The following TOP3B variants were observed in gnomAD, a reference collection of about 807,000 sequenced individuals.
TOP3B encodes DNA topoisomerase III beta, also known as DNA topoisomerase 3-beta-1.
A neutral mutation model predicts 93.9 loss-of-function variants in TOP3B; 45 were observed. The observed-to-expected ratio is 0.48, with a 90% CI of 0.38 to 0.61. The LOEUF (loss-of-function observed/expected upper bound fraction) is 0.61, where lower values mean the gene tolerates loss of function less well. TOP3B is among the 20% of genes least tolerant of loss of function. The probability of loss-of-function intolerance (pLI) is 0.00; values close to 1 mark genes in which losing one functional copy is unlikely to be tolerated. For synonymous variants in TOP3B, 357 were observed against 472.6 expected (o/e 0.76, Z 3.17); for missense variants, 750 against 1,156.1 (o/e 0.65, Z 5.09).
intron 4 of TOP3B, 78 bp downstream of exon 4, chr22:21,972,534 G>GC: frequency 8.7e-7 from 1 of 1,154,296 alleles, no homozygotes; most frequent in Non-Finnish European, 1.2e-6. Context: ...TAGGACTCAA[G>GC]CAAGGGTGGG....
rs1434504266 is a variant in TOP3B, at chr22:21,958,798, C to G, written c.1906-105G>C. ...AAAGTATGTAATCTGTCATGCAGAA[C>G]CTGTGACACACTGCCAGGCAAGGAG... is the stretch of plus-strand genomic sequence containing the variant. On this transcript the variant is annotated intron_variant, in intron 16 of 17. Transcript: ENST00000357179. The G allele has an allele frequency of 6.8e-5, 97 of 1,434,500 alleles. 3 individuals are homozygous for G. The highest frequency in any genetic ancestry group is 7.4e-5 in the Non-Finnish European group (81 of 1,091,870). The allele number at this position is 1,434,500 out of a possible 1,614,324, so 88.9% of individuals were successfully genotyped here. A position where few individuals can be genotyped will look rare whatever the true frequency, so the allele number is the denominator to read the frequency against.
chr22:21,976,284 TG>T (rs2071869398), intron 1 of TOP3B: 1 of 152,444 alleles, frequency 6.6e-6, no homozygotes, highest in Non-Finnish European at 1.5e-5. Flanking sequence ...ATGCCCAGGC[TG>T]GGCCCCCCAG....
At position 21,967,568 on chromosome 22, in the gene TOP3B, G is replaced by A. The variant is rs756268980; in HGVS notation, c.852+35C>T. 1.0e-5 allele frequency: 16 copies of A among 1,577,940 alleles called. 1 individual carries two copies. The East Asian group carries it at 3.4e-4, about 33-fold the overall frequency. On this transcript the variant is annotated intron_variant, in intron 8 of 17. Transcript: ENST00000357179. ...GCATCCAAGGGCCACCCTCACCCAA[G>A]GCAACTGTGATAGATGTGGGTGGAG...
chr22:21,977,119 G>C (rs1258198197), intron 1 of TOP3B: 2 of 152,118 alleles, frequency 1.3e-5, no homozygotes, highest in South Asian at 2.1e-4. Flanking sequence ...ATTCAAGGCT[G>C]TTGTGTGCCA....
chr22:21,981,778 AG>A (rs1469395972), intron 1 of TOP3B, among the ~76,000 whole-genome samples: 1 of 152,088 alleles, frequency 6.6e-6, no homozygotes, highest in African/African-American at 2.4e-5. Context: ...CCTGGGTGAC[AG>A]AGTGAGACTC....
chr22:21,981,728 G>A (rs998027482), intron 1 of TOP3B, among the ~76,000 whole-genome samples: 4 of 152,102 alleles, frequency 2.6e-5, no homozygotes, highest in Middle Eastern at 6.8e-3. Flanking sequence ...ACCCGGGGGC[G>A]GAGGTTGCAG....
chr22:21,980,786 C>T (rs978174749), intron 1 of TOP3B, among the ~76,000 whole-genome samples: 1 of 152,226 alleles, frequency 6.6e-6, no homozygotes, highest in Non-Finnish European at 1.5e-5. Flanking sequence ...TTGCTCTGAC[C>T]CCTGCCCCTC....
At chr22:21,958,791 T>C (rs2071039986) in intron 16 of TOP3B, 98 bp from the exon 17 acceptor site, 2 of 1,445,544 alleles carry the variant, frequency 1.4e-6, no homozygotes, top group African/African-American at 1.4e-5. Context: ...TAATCTGTCA[T>C]GCAGAACCTG....
chr22:21,972,165 A>C (rs970643285), intron 4 of TOP3B: 2 of 551,784 alleles, frequency 3.6e-6, no homozygotes, highest in Admixed American at 6.9e-5. Context: ...GGACCAAAAA[A>C]AAAAGTATAA....
intron 1 of TOP3B, among the ~76,000 whole-genome samples, chr22:21,978,597 C>T (rs996045617): frequency 6.6e-6 from 1 of 151,996 alleles, no homozygotes; most frequent in Non-Finnish European, 1.5e-5. Context: ...GAGGAGCTAG[C>T]AGGGTGAGTC....
chr22:21,959,286 C>T, intron 15 of TOP3B, 54 bp from the exon 16 acceptor site: 1 of 1,602,246 alleles, frequency 6.2e-7, no homozygotes, highest in Non-Finnish European at 8.5e-7. Context: ...CAGCAAAAGG[C>T]TCCGCAACAC....
At position 21,969,182 on chromosome 22, in the gene TOP3B, G is replaced by A. The variant is rs577533839; in HGVS notation, c.582-407C>T. 3 of 162,394 alleles carry A rather than the reference G, an allele frequency of 1.8e-5. No individual in the cohort carries two copies. In the Middle Eastern group the frequency reaches 9.3e-3, roughly 501 times the overall value. 10.1% of individuals were successfully genotyped at this position (162,394 alleles called of 1,614,324 possible). A position where few individuals can be genotyped will look rare whatever the true frequency, so the allele number is the denominator to read the frequency against. ...CAGGGTCTTGCTGTATTGCCCAGCA[G>A]GAGTGCATTAATGGGGATTCACAGA... On this transcript the variant is annotated intron_variant, in intron 6 of 17. Coordinates refer to ENST00000357179, the MANE Select transcript of TOP3B (RefSeq NM_001282112.2).
rs749822944 is a variant in TOP3B, at chr22:21,958,547, G to C, written c.2052C>G (p.Ser684Arg). The C allele has an allele frequency of 1.2e-6, 2 of 1,614,122 alleles. No individual in the cohort carries two copies. The highest frequency in any genetic ancestry group is 1.7e-6 in the Non-Finnish European group (2 of 1,180,044). Reference protein sequence around the residue: ...VLWSSGSRGKSYPLCPYCYNH... With the variant: ...VLWSSGSRGKRYPLCPYCYNH... ...TGTAGCAGTAGGGGCACAGCGGGTAGCTCTTGCCCCGAGAGCCTGATGACC... is the reference window on the plus strand; with the variant it reads ...TGTAGCAGTAGGGGCACAGCGGGTACCTCTTGCCCCGAGAGCCTGATGACC... The change falls in exon 17 of 18, where the codon AGC becomes AGG. Residue 684 changes from serine to arginine, a missense_variant. Ser to Arg is a moderately radical substitution (Grantham distance 110). Around this residue, in one of 4 missense-constraint regions of TOP3B, gnomAD observed 737 missense variants for 933.7 expected, o/e 0.79. Coordinates refer to ENST00000357179, the MANE Select transcript of TOP3B (RefSeq NM_001282112.2).
At chr22:21,959,461 G>A (rs2071071840) in intron 15 of TOP3B, 126 bp downstream of exon 15, 1 of 1,510,976 alleles carries the variant, frequency 6.6e-7, no homozygotes, top group African/African-American at 1.4e-5. Context: ...TCACTGACCT[G>A]GCCTACGGAG....
chr22:21,962,614 T>C lies in TOP3B; in HGVS notation c.1352-12A>G, dbSNP rs375784851. ...GACCTCCGTGAAGCCTGGAGAGATA[T>C]GCGCCGCCACTCAGGGTCCCCAGCC... is the stretch of plus-strand genomic sequence containing the variant. On this transcript the variant is annotated splice_polypyrimidine_tract_variant and intron_variant, in intron 12 of 17. Coordinates refer to ENST00000357179, the MANE Select transcript of TOP3B (RefSeq NM_001282112.2). The C allele has an allele frequency of 1.8e-5, 29 of 1,608,246 alleles. No individual in the cohort carries two copies. In the East Asian group the frequency reaches 4.5e-4, roughly 25 times the overall value.
At chr22:21,959,834 G>T in intron 14 of TOP3B, 98 bp from the exon 15 acceptor site, 1 of 1,502,836 alleles carries the variant, frequency 6.7e-7, no homozygotes, top group African/African-American at 1.4e-5. Context: ...CACCCCTCCC[G>T]CTCTGGCCCG....
chr22:21,968,724 G>A lies in TOP3B; in HGVS notation c.633C>T (p.Leu211=), dbSNP rs773761771. The A allele has an allele frequency of 1.2e-6, 2 of 1,614,208 alleles. No homozygotes were observed. The highest frequency in any genetic ancestry group is 1.7e-6 in the Non-Finnish European group (2 of 1,180,034). Residue 211 remains leucine, a synonymous_variant, in exon 7 of 18, where the codon CTC becomes CTT. Transcript: ENST00000357179. ...GAGTCTGACACGGCCCAAAGGAGAT[G>A]AGAGAGCTGTCTAAATCACCGTATT... is the stretch of plus-strand genomic sequence containing the variant. ...QGKYGDLDSS[L]ISFGPCQTPT...
At chr22:21,959,426 G>C in intron 15 of TOP3B, 161 bp downstream of exon 15, 1 of 1,493,568 alleles carries the variant, frequency 6.7e-7, no homozygotes, top group South Asian at 1.4e-5. Context: ...TAATGCACCT[G>C]CTCTTTCAAC....
chr22:21,981,665 C>T (rs543544065), intron 1 of TOP3B, among the ~76,000 whole-genome samples: 59 of 152,094 alleles, frequency 3.9e-4, no homozygotes, highest in African/African-American at 1.2e-3. Flanking sequence ...GGCGTGGTGG[C>T]GCATGCCTGT....
Sources: allele counts gnomAD v4.1 joint callset (sites outside exome capture counted in the v4.1 genomes callset), GRCh38; gene constraint gnomAD v4.1.1; regional missense constraint gnomAD v4.1.1; transcripts MANE v1.5; gene names NCBI Gene and HGNC (gene_info 2026-07-23, HGNC 2026-07-21).